Variants in CNTN4 observed in about 807,000 individuals in gnomAD.
The protein encoded by CNTN4 is contactin-4.
In CNTN4, 77 loss-of-function variants were observed where a neutral mutation model predicts 122.5. The observed-to-expected ratio is 0.63, with a 90% confidence interval of 0.52 to 0.76. CNTN4 has a LOEUF of 0.76. Among genes scored for constraint, CNTN4 ranks in the 30% least tolerant of loss-of-function variants. The pLI, the probability that CNTN4 is intolerant of heterozygous loss-of-function variation, is 0.00. For missense variants in CNTN4, 1,256 were observed against 1,259.1 expected, an observed-to-expected ratio of 1.00 and a Z score of 0.04; for synonymous variants, 512 against 447.0, an observed-to-expected ratio of 1.15 and a Z score of -1.83.
intron 3 of CNTN4, among the ~76,000 whole-genome samples, chr3:2,494,609 G>T (rs545608998): frequency 6.6e-6 from 1 of 152,194 alleles, no homozygotes; most frequent in Admixed American, 6.5e-5. Flanking sequence ...TCCTGGATCA[G>T]GGAAAGTCCT....
chr3:2,315,914 T>C (rs889871543), intron 2 of CNTN4, among the ~76,000 whole-genome samples: 1 of 152,090 alleles, frequency 6.6e-6, no homozygotes, highest in East Asian at 1.9e-4. Flanking sequence ...CTTTGATGAA[T>C]GTTTGTTGAA....
chr3:2,196,379 A>C (rs9310659), intron 2 of CNTN4, among the ~76,000 whole-genome samples: 46,614 of 151,934 alleles, frequency 0.31, 7,867 homozygotes, highest in East Asian at 0.51. Context: ...CTTTTACTTA[A>C]AGTATAATCT....
intron 5 of CNTN4, among the ~76,000 whole-genome samples, chr3:2,741,102 C>G (rs145266979): frequency 7.7e-4 from 117 of 152,288 alleles, no homozygotes; most frequent in African/African-American, 2.7e-3. Flanking sequence ...ATTTAAACCA[C>G]TCTATTAAGC....
At chr3:2,960,480 C>G (rs1317505706) in intron 13 of CNTN4, among the ~76,000 whole-genome samples, 1 of 152,058 alleles carries the variant, frequency 6.6e-6, no homozygotes, top group Non-Finnish European at 1.5e-5. Context: ...GCTTATAATA[C>G]AAGTTATATA....
chr3:2,188,286 C>T (rs936212270), intron 2 of CNTN4, among the ~76,000 whole-genome samples: 1 of 152,156 alleles, frequency 6.6e-6, no homozygotes, highest in African/African-American at 2.4e-5. Flanking sequence ...CTTTAGGCTG[C>T]ATCAGCAAGA....
chr3:2,146,867 A>G (rs2035267629), intron 2 of CNTN4, among the ~76,000 whole-genome samples: 1 of 152,012 alleles, frequency 6.6e-6, no homozygotes, highest in South Asian at 2.1e-4. Flanking sequence ...ACTTCATTCC[A>G]TAGTTTTTTG....
At chr3:2,772,162 A>G (rs1333976881) in intron 6 of CNTN4, among the ~76,000 whole-genome samples, 1 of 152,102 alleles carries the variant, frequency 6.6e-6, no homozygotes, top group African/African-American at 2.4e-5. Flanking sequence ...AAGCCAGCAG[A>G]GTGGTATAAC....
chr3:2,353,185 G>A (rs1321866736), intron 3 of CNTN4, among the ~76,000 whole-genome samples: 1 of 151,520 alleles, frequency 6.6e-6, no homozygotes, highest in East Asian at 2.0e-4. Flanking sequence ...GTGTATCTAG[G>A]ATATCTGGTG....
intron 4 of CNTN4, among the ~76,000 whole-genome samples, chr3:2,713,489 T>C (rs2087281451): frequency 6.6e-6 from 1 of 152,204 alleles, no homozygotes; most frequent in Non-Finnish European, 1.5e-5. Flanking sequence ...GCACGGCCTG[T>C]TTGTTCAGCT....
chr3:2,668,895 A>G (rs966537276), intron 4 of CNTN4, among the ~76,000 whole-genome samples: 1 of 152,146 alleles, frequency 6.6e-6, no homozygotes, highest in South Asian at 2.1e-4. Flanking sequence ...GATTACGTTT[A>G]TTGATTTGCA....
chr3:2,356,305 T>C (rs760506943), intron 3 of CNTN4, among the ~76,000 whole-genome samples: 10 of 152,164 alleles, frequency 6.6e-5, no homozygotes, highest in Non-Finnish European at 1.5e-4. Context: ...GTTCCCATTT[T>C]TATGGTTATT....
At chr3:2,213,182 C>G (rs939394801) in intron 2 of CNTN4, among the ~76,000 whole-genome samples, 2 of 152,082 alleles carry the variant, frequency 1.3e-5, no homozygotes, top group African/African-American at 4.8e-5. Context: ...TTTAGTCAAG[C>G]ACATTTAATT....
chr3:2,627,740 G>A lies in CNTN4; in HGVS notation c.55+56182G>A, dbSNP rs372011181. Among the ~76,000 whole-genome samples, 441 of 152,028 alleles carry A rather than the reference G, an allele frequency of 2.9e-3. 2 individuals carry two copies. The highest frequency in any genetic ancestry group is 0.012 in the East Asian group (61 of 5,166). On this transcript the variant is annotated intron_variant, in intron 4 of 24. Coordinates refer to ENST00000418658, the MANE Select transcript of CNTN4 (RefSeq NM_175607.3). ...GATCTCCTGACCTTGTGATCTGCCC[G>A]CCTCGGCCTCCCAAAGTGCTGGGAT... is the stretch of plus-strand genomic sequence containing the variant.
chr3:2,270,744 G>T (rs748952915), intron 2 of CNTN4, among the ~76,000 whole-genome samples: 2 of 123,254 alleles, frequency 1.6e-5, no homozygotes, highest in African/African-American at 2.6e-5. Flanking sequence ...AGCTCAGGAG[G>T]ACCCAGAATA....
chr3:3,009,572 T>C (rs1369076024), intron 14 of CNTN4, among the ~76,000 whole-genome samples: 9 of 134,376 alleles, frequency 6.7e-5, no homozygotes, highest in South Asian at 4.6e-4. Context: ...TAGCTGGGAC[T>C]ACAGGCGCCC....
At chr3:2,510,016 C>T (rs1010532868) in intron 3 of CNTN4, among the ~76,000 whole-genome samples, 3 of 152,098 alleles carry the variant, frequency 2.0e-5, no homozygotes, top group Admixed American at 6.5e-5. Context: ...CATTTCCTGC[C>T]CAAGCTGTCT....
At chr3:2,380,378 C>G (rs1487689711) in intron 3 of CNTN4, among the ~76,000 whole-genome samples, 1 of 152,126 alleles carries the variant, frequency 6.6e-6, no homozygotes, top group African/African-American at 2.4e-5. Flanking sequence ...TTAAAGAGCA[C>G]TAAGATCTGA....
chr3:2,542,048 G>A (rs1365485798), intron 3 of CNTN4, among the ~76,000 whole-genome samples: 1 of 152,132 alleles, frequency 6.6e-6, no homozygotes, highest in Non-Finnish European at 1.5e-5. Context: ...AGGACACTCT[G>A]CAGGTATCAA....
At chr3:2,244,431 T>C (rs1282840354) in intron 2 of CNTN4, among the ~76,000 whole-genome samples, 2 of 151,980 alleles carry the variant, frequency 1.3e-5, no homozygotes, top group African/African-American at 4.8e-5. Flanking sequence ...TACTGGGAAA[T>C]GGAAATGTGT....
Sources: gnomAD v4.1 joint callset for allele counts (sites outside exome capture counted in the v4.1 genomes callset) on GRCh38, gnomAD v4.1.1 for gene constraint, MANE v1.5 for transcripts, NCBI Gene and HGNC (gene_info 2026-07-23, HGNC 2026-07-21) for gene names.